ARB2A: variants seen among roughly 807,000 people sequenced by gnomAD.
ARB2A encodes the protein cotranscriptional regulator ARB2A.
At chr5:93,634,306 G>A in the ARB2A span, among the ~76,000 whole-genome samples, 6 of 151,792 alleles carry the variant, frequency 4.0e-5, no homozygotes, top group South Asian at 1.3e-3. Flanking sequence ...AGGCTGAGGG[G>A]GGAGAATCGC....
At chr5:93,905,261 T>TA in the ARB2A span, among the ~76,000 whole-genome samples, 1 of 151,740 alleles carries the variant, frequency 6.6e-6, no homozygotes, top group South Asian at 2.1e-4. Flanking sequence ...GTAGAAAACT[T>TA]AGATAGGAAT....
At chr5:94,045,636 G>T in the ARB2A span, among the ~76,000 whole-genome samples, 1 of 151,870 alleles carries the variant, frequency 6.6e-6, no homozygotes, top group African/African-American at 2.4e-5. Context: ...AAATGCATAG[G>T]TCCAGAATTT....
chr5:94,002,492 C>T, the ARB2A span, among the ~76,000 whole-genome samples: 5 of 151,760 alleles, frequency 3.3e-5, no homozygotes, highest in African/African-American at 4.8e-5. Flanking sequence ...GTGATGTCTG[C>T]GCATTATTTT....
chr5:93,650,735 A>G, the ARB2A span, among the ~76,000 whole-genome samples: 1 of 152,114 alleles, frequency 6.6e-6, no homozygotes. Flanking sequence ...TAATGCTTGT[A>G]ATCCAGCACT....
chr5:93,910,854 CA>C, the ARB2A span: 5 of 151,382 alleles, frequency 3.3e-5, no homozygotes, highest in Admixed American at 2.6e-4. Flanking sequence ...GCTATTGTGA[CA>C]GGGGAAAAAA....
chr5:93,673,150 T>C, the ARB2A span, among the ~76,000 whole-genome samples: 1 of 152,240 alleles, frequency 6.6e-6, no homozygotes, highest in Non-Finnish European at 1.5e-5. Flanking sequence ...ATTTTATAGA[T>C]AGCCAACAGA....
At chr5:94,079,157 G>A in the ARB2A span, among the ~76,000 whole-genome samples, 3 of 152,024 alleles carry the variant, frequency 2.0e-5, no homozygotes, top group African/African-American at 7.3e-5. Flanking sequence ...AATTATAATG[G>A]AACTTAATTT....
chr5:94,018,785 A>G, the ARB2A span, among the ~76,000 whole-genome samples: 1 of 151,866 alleles, frequency 6.6e-6, no homozygotes, highest in Non-Finnish European at 1.5e-5. Context: ...ATGAATTGAC[A>G]TTCATCACAG....
chr5:93,777,842 A>C, the ARB2A span, among the ~76,000 whole-genome samples: 1 of 152,192 alleles, frequency 6.6e-6, no homozygotes, highest in African/African-American at 2.4e-5. Context: ...AGTCCTCACC[A>C]ATAAAGGCCG....
At chr5:93,964,625 T>C in the ARB2A span, 1 of 703,894 alleles carries the variant, frequency 1.4e-6, no homozygotes, top group Admixed American at 3.0e-5. Context: ...TGAGTAAATA[T>C]CTCTTCATCT....
chr5:93,729,415 T>A, the ARB2A span, among the ~76,000 whole-genome samples: 1 of 152,122 alleles, frequency 6.6e-6, no homozygotes, highest in African/African-American at 2.4e-5. Context: ...TGTTACTGCT[T>A]ACATGAATAT....
At chr5:93,826,431 G>C in the ARB2A span, among the ~76,000 whole-genome samples, 1 of 152,018 alleles carries the variant, frequency 6.6e-6, no homozygotes, top group Admixed American at 6.6e-5. Flanking sequence ...TTTCTCTCCA[G>C]AGCCACAAAG....
At chr5:94,055,862 A>C in the ARB2A span, 6 of 985,456 alleles carry the variant, frequency 6.1e-6, no homozygotes, top group Non-Finnish European at 7.2e-6. Flanking sequence ...ACATAAGCAG[A>C]TCTTGCTTCT....
the ARB2A span, among the ~76,000 whole-genome samples, chr5:93,843,833 C>G: frequency 6.6e-6 from 1 of 151,896 alleles, no homozygotes; most frequent in Admixed American, 6.6e-5. Context: ...GGAGATCCAT[C>G]ATCCAAAAAG....
the ARB2A span, among the ~76,000 whole-genome samples, chr5:94,036,991 T>C: frequency 6.6e-6 from 1 of 152,178 alleles, no homozygotes; most frequent in Non-Finnish European, 1.5e-5. Flanking sequence ...AATTTTTATA[T>C]TCCTATGGGT....
chr5:93,707,315 C>CA, the ARB2A span, among the ~76,000 whole-genome samples: 1 of 152,094 alleles, frequency 6.6e-6, no homozygotes, highest in African/African-American at 2.4e-5. Context: ...CTACATAATA[C>CA]AATGCAAGAT....
chr5:93,961,038 TA>T, the ARB2A span, among the ~76,000 whole-genome samples: 22 of 150,104 alleles, frequency 1.5e-4, no homozygotes, highest in Admixed American at 4.6e-4. Flanking sequence ...TAAAGAAGCC[TA>T]AAAAAAAAGT....
the ARB2A span, among the ~76,000 whole-genome samples, chr5:93,787,481 C>T: frequency 6.6e-6 from 1 of 152,012 alleles, no homozygotes; most frequent in Non-Finnish European, 1.5e-5. Context: ...AAATAAAATA[C>T]AAATTAATTC....
chr5:93,767,760 C>T, the ARB2A span, among the ~76,000 whole-genome samples: 7 of 151,716 alleles, frequency 4.6e-5, no homozygotes, highest in Non-Finnish European at 8.8e-5. Flanking sequence ...TTTGGGAGGC[C>T]GAGATGGGTG....
Sources: gnomAD v4.1 joint callset for allele counts (sites outside exome capture counted in the v4.1 genomes callset) on GRCh38, gnomAD v4.1.1 for gene constraint, MANE v1.5 for transcripts, NCBI Gene and HGNC (gene_info 2026-07-23, HGNC 2026-07-21) for gene names.